The following TRIP4 variants were observed in gnomAD, a reference collection of about 807,000 sequenced individuals.
The protein encoded by TRIP4 is activating signal cointegrator 1.
TRIP4 carries 54 observed loss-of-function variants against 81.8 expected under a neutral mutation model. The ratio of observed to expected loss-of-function variants is 0.66; its 90% CI spans 0.53 to 0.83. TRIP4 has a LOEUF of 0.83. Ranked by LOEUF, TRIP4 falls within the 40% of genes least tolerant of loss-of-function variation. The probability of loss-of-function intolerance (pLI) is 0.00; values close to 1 mark genes in which losing one functional copy is unlikely to be tolerated. For missense variants in TRIP4, 662 were observed against 683.6 expected (o/e 0.97, Z 0.35); for synonymous variants, 270 against 242.8 (o/e 1.11, Z -1.04).
At position 64,400,734 on chromosome 15, in the gene TRIP4, AT is replaced by A; in HGVS notation, c.619-5del. ...TTGGATCACATGTCTTACTCTTACT[AT>A]TTTACAGGTGTGTACTCATGAGGAA... On this transcript the variant is annotated splice_region_variant and splice_polypyrimidine_tract_variant and intron_variant, in intron 4 of 12. Coordinates refer to ENST00000261884, the MANE Select transcript of TRIP4 (RefSeq NM_016213.5). 1 of 1,611,352 alleles carries A rather than the reference AT, an allele frequency of 6.2e-7. No homozygotes were observed. The highest frequency in any genetic ancestry group is 8.5e-7 in the Non-Finnish European group (1 of 1,177,668).
chr15:64,402,717 G>T (rs1455662819), intron 5 of TRIP4, among the ~76,000 whole-genome samples: 1 of 151,660 alleles, frequency 6.6e-6, no homozygotes. Context: ...GTAGAGATGG[G>T]GTTCTCCCAT....
chr15:64,424,276 T>C (rs1892088637), intron 10 of TRIP4, 121 bp downstream of exon 10: 2 of 1,386,390 alleles, frequency 1.4e-6, no homozygotes, highest in Non-Finnish European at 9.8e-7. Flanking sequence ...TTAATCTTTG[T>C]ATATGTTTGT....
intron 8 of TRIP4, among the ~76,000 whole-genome samples, chr15:64,417,770 A>G (rs188687592): frequency 6.3e-4 from 96 of 152,334 alleles, no homozygotes; most frequent in African/African-American, 2.2e-3. Context: ...TGACCTGACA[A>G]CATCTGTTTG....
At chr15:64,392,433 GA>G (rs1245181972) in intron 1 of TRIP4, among the ~76,000 whole-genome samples, 1 of 152,154 alleles carries the variant, frequency 6.6e-6, no homozygotes, top group African/African-American at 2.4e-5. Flanking sequence ...TGTAAGTCCT[GA>G]AAAACCATTG....
At chr15:64,408,635 TTA>T (rs1269100113) in intron 6 of TRIP4, among the ~76,000 whole-genome samples, 2 of 152,156 alleles carry the variant, frequency 1.3e-5, no homozygotes, top group African/African-American at 4.8e-5. Context: ...AGTATTTCCC[TTA>T]TGTCTATTTA....
intron 9 of TRIP4, among the ~76,000 whole-genome samples, chr15:64,422,188 T>C (rs1377734536): frequency 1.3e-5 from 2 of 152,178 alleles, no homozygotes; most frequent in African/African-American, 4.8e-5. Context: ...ATTAGGCCAG[T>C]ATTATTATAG....
chr15:64,397,889 T>G, intron 4 of TRIP4, 71 bp downstream of exon 4: 1 of 1,518,538 alleles, frequency 6.6e-7, no homozygotes, highest in Non-Finnish European at 8.9e-7. Context: ...AGATCTCAAG[T>G]AATTTCTCTT....
chr15:64,445,614 A>G (rs983271215), intron 12 of TRIP4, among the ~76,000 whole-genome samples: 27 of 138,070 alleles, frequency 2.0e-4, no homozygotes, highest in African/African-American at 6.6e-4. Flanking sequence ...GGTTACAGTG[A>G]GCTGAGATTG....
intron 6 of TRIP4, 39 bp from the exon 7 acceptor site, chr15:64,409,574 A>G (rs772900720): frequency 6.3e-7 from 1 of 1,586,856 alleles, no homozygotes; most frequent in African/African-American, 1.3e-5. Flanking sequence ...CTTATTTGTC[A>G]ACAGATGACC....
chr15:64,419,976 T>C (rs1348279433), intron 9 of TRIP4, among the ~76,000 whole-genome samples: 1 of 151,008 alleles, frequency 6.6e-6, no homozygotes, highest in Non-Finnish European at 1.5e-5. Flanking sequence ...CCACCACACC[T>C]GGTTAATTTT....
intron 4 of TRIP4, among the ~76,000 whole-genome samples, chr15:64,399,494 G>C (rs901393955): frequency 6.6e-6 from 1 of 151,762 alleles, no homozygotes; most frequent in Non-Finnish European, 1.5e-5. Context: ...AAGCAGATTG[G>C]CCTTGAAGTT....
Position 64,432,774 on chromosome 15 carries a change from C to T in TRIP4, c.1575+7143C>T, listed in dbSNP as rs147558777. Reference sequence around the variant, plus strand: ...AAAATACAAAAAATTAGCTGGGCGTCGTGGCATGCGCCTGTAATCCCAGCT... The same window carrying T: ...AAAATACAAAAAATTAGCTGGGCGTTGTGGCATGCGCCTGTAATCCCAGCT... On this transcript the variant is annotated intron_variant, in intron 11 of 12. Coordinates refer to ENST00000261884, the MANE Select transcript of TRIP4 (RefSeq NM_016213.5). 3.4e-5 allele frequency among the ~76,000 whole-genome samples: 5 copies of T among 147,088 alleles called. 1 individual carries two copies. Among genetic ancestry groups the T allele is most frequent in the South Asian group, 4.4e-4 (2 of 4,530 alleles).
intron 11 of TRIP4, among the ~76,000 whole-genome samples, chr15:64,440,683 T>C (rs1180387808): frequency 2.0e-5 from 3 of 152,118 alleles, no homozygotes; most frequent in Admixed American, 6.6e-5. Context: ...TCTGGGAAAG[T>C]TGATTTTTAT....
chr15:64,414,910 A>G (rs1465556872), intron 8 of TRIP4, among the ~76,000 whole-genome samples: 1 of 152,010 alleles, frequency 6.6e-6, no homozygotes, highest in Non-Finnish European at 1.5e-5. Context: ...CCTGAGCAAC[A>G]TGGCAAAACC....
intron 7 of TRIP4, among the ~76,000 whole-genome samples, chr15:64,412,810 A>C (rs1191398542): frequency 6.6e-6 from 1 of 152,180 alleles, no homozygotes; most frequent in Non-Finnish European, 1.5e-5. Flanking sequence ...GAATGAATTA[A>C]GATAGGGTTC....
At chr15:64,431,044 C>T (rs1168864575) in intron 11 of TRIP4, among the ~76,000 whole-genome samples, 2 of 152,016 alleles carry the variant, frequency 1.3e-5, no homozygotes, top group Admixed American at 6.6e-5. Flanking sequence ...AGTATCACTT[C>T]GTTTGTGGAA....
chr15:64,406,984 C>G (rs1395048412), intron 6 of TRIP4, among the ~76,000 whole-genome samples: 4 of 145,142 alleles, frequency 2.8e-5, no homozygotes, highest in Non-Finnish European at 6.2e-5. Flanking sequence ...TATTGTTTAG[C>G]CCATTGACTT....
chr15:64,450,393 G>GAAAAAAAA (rs1005400086), intron 12 of TRIP4, among the ~76,000 whole-genome samples: 73 of 44,728 alleles, frequency 1.6e-3, no homozygotes, highest in East Asian at 3.0e-3. Context: ...CGTCTCAAAA[G>GAAAAAAAA]AAAAAAAAAA....
At chr15:64,446,565 T>C (rs185963574) in intron 12 of TRIP4, among the ~76,000 whole-genome samples, 1,962 of 150,994 alleles carry the variant, frequency 0.013, 31 homozygotes, top group African/African-American at 0.046. Flanking sequence ...CCACCACTCC[T>C]GGCTAATTTT....
Sources: allele counts gnomAD v4.1 joint callset (sites outside exome capture counted in the v4.1 genomes callset), GRCh38; gene constraint gnomAD v4.1.1; transcripts MANE v1.5; gene names NCBI Gene and HGNC (gene_info 2026-07-23, HGNC 2026-07-21).